GPAM: variants seen among roughly 807,000 people sequenced by gnomAD.
GPAM encodes the protein glycerol-3-phosphate acyltransferase 1, mitochondrial.
In GPAM, 56 loss-of-function variants were observed where a neutral mutation model predicts 105.0. That is an observed-to-expected ratio of 0.53 (90% CI 0.43 to 0.67). The LOEUF is 0.67. Among genes scored for constraint, GPAM ranks in the 30% least tolerant of loss-of-function variants. The probability of loss-of-function intolerance (pLI) is 0.00; values close to 1 mark genes in which losing one functional copy is unlikely to be tolerated. For synonymous variants in GPAM, 368 were observed against 354.4 expected (o/e 1.04, Z -0.43); for missense variants, 855 against 989.8 (o/e 0.86, Z 1.83).
Position 112,150,837 on chromosome 10 carries a change from C to T in GPAM, c.*2713G>A. The T allele has an allele frequency of 1.0e-6, 1 of 984,026 alleles. No individual in the cohort carries two copies. The highest frequency in any genetic ancestry group is 1.2e-6 in the Non-Finnish European group (1 of 828,668). The allele number at this position is 984,026 out of a possible 1,614,324, so 61.0% of individuals were successfully genotyped here. A position where few individuals can be genotyped will look rare whatever the true frequency, so the allele number is the denominator to read the frequency against. On this transcript the variant is annotated 3_prime_UTR_variant, in exon 22 of 22. Coordinates refer to ENST00000348367, the MANE Select transcript of GPAM (RefSeq NM_001244949.2). Reference sequence around the variant, plus strand: ...ATGGAGTGCTATGGGAAATGCTTTTCCCCATCCAGGTTACTGGCAATTCCA... The same window carrying T: ...ATGGAGTGCTATGGGAAATGCTTTTTCCCATCCAGGTTACTGGCAATTCCA...
intron 14 of GPAM, among the ~76,000 whole-genome samples, chr10:112,162,642 T>C (rs889499842): frequency 2.0e-5 from 3 of 152,090 alleles, no homozygotes; most frequent in South Asian, 4.1e-4. Flanking sequence ...AAAAAAGTAC[T>C]CAGTACTATA....
chr10:112,227,427 G>A, the GPAM span, among the ~76,000 whole-genome samples: 1 of 152,068 alleles, frequency 6.6e-6, no homozygotes, highest in Non-Finnish European at 1.5e-5. Context: ...CCTCTCCTGG[G>A]ACCTCCCCAT....
chr10:112,150,060 T>G lies in GPAM; in HGVS notation c.*3490A>C, dbSNP rs1846887715. Reference sequence around the variant, plus strand: ...TACAACAGGCAAATAGTTTAATACCTTCCATCAAGACATTTCAGAGCTCTA... The same window carrying G: ...TACAACAGGCAAATAGTTTAATACCGTCCATCAAGACATTTCAGAGCTCTA... On this transcript the variant is annotated 3_prime_UTR_variant, in exon 22 of 22. Coordinates refer to ENST00000348367, the MANE Select transcript of GPAM (RefSeq NM_001244949.2). 3.0e-6 allele frequency: 3 copies of G among 984,850 alleles called. No individual in the cohort carries two copies. In the African/African-American group the frequency reaches 5.2e-5, roughly 17 times the overall value. 61.0% of individuals were successfully genotyped at this position (984,850 alleles called of 1,614,324 possible).
In GPAM at chr10:112,160,886, C is replaced by T. The variant is rs764902377; in HGVS notation, c.1495-18G>A. 6 of 1,609,366 alleles carry T rather than the reference C, an allele frequency of 3.7e-6. No individual in the cohort carries two copies. The African/African-American group carries it at 4.0e-5, about 11-fold the overall frequency. ...TCAATTCCCTAAAGAAAGATGGAAA[C>T]GGTATCATGATGGTGGAAAACCTAC... is the stretch of plus-strand genomic sequence containing the variant. On this transcript the variant is annotated intron_variant, in intron 15 of 21. Coordinates refer to ENST00000348367, the MANE Select transcript of GPAM (RefSeq NM_001244949.2).
At chr10:112,175,540 CT>C (rs915184093) in intron 6 of GPAM, 59 bp downstream of exon 6, 2 of 853,162 alleles carry the variant, frequency 2.3e-6, no homozygotes, top group Non-Finnish European at 4.1e-6. Context: ...TTACTTCCCC[CT>C]CCCACTCCTA....
In GPAM at chr10:112,175,729, A is replaced by G; in HGVS notation, c.300-16T>C. 2 of 1,509,058 alleles carry G rather than the reference A, an allele frequency of 1.3e-6. No individual in the cohort carries two copies. Among genetic ancestry groups the G allele is most frequent in the Non-Finnish European group, 1.8e-6 (2 of 1,084,268 alleles). 93.5% of individuals were successfully genotyped at this position (1,509,058 alleles called of 1,614,324 possible). ...TCCGCGGTGTCTGTGAAAATGATTT[A>G]GCAGAGAAGTATTAGAGGTACCCCT... is the stretch of plus-strand genomic sequence containing the variant. On this transcript the variant is annotated splice_polypyrimidine_tract_variant and intron_variant, in intron 5 of 21. Coordinates refer to ENST00000348367, the MANE Select transcript of GPAM (RefSeq NM_001244949.2).
In GPAM at chr10:112,155,738, A is replaced by G. The variant is rs1395303827; in HGVS notation, c.2311+126T>C. ...TATATAACATGCCAAAGAAGATAAT[A>G]GTAATACTCTACGGTGTTAGAGGTC... On this transcript the variant is annotated intron_variant, in intron 20 of 21. Coordinates refer to ENST00000348367, the MANE Select transcript of GPAM (RefSeq NM_001244949.2). 6.3e-6 allele frequency: 4 copies of G among 638,296 alleles called. No individual in the cohort carries two copies. In the East Asian group the frequency reaches 1.1e-4, roughly 18 times the overall value. 39.5% of individuals were successfully genotyped at this position (638,296 alleles called of 1,614,324 possible). A position where few individuals can be genotyped will look rare whatever the true frequency, so the allele number is the denominator to read the frequency against.
At chr10:112,159,693 G>A (rs1278136185) in intron 17 of GPAM, among the ~76,000 whole-genome samples, 1 of 152,166 alleles carries the variant, frequency 6.6e-6, no homozygotes, top group Non-Finnish European at 1.5e-5. Flanking sequence ...GTCCTATCAT[G>A]GCTCATAGCT....
In GPAM at chr10:112,178,169, C is replaced by T. The variant is rs185287948; in HGVS notation, c.226-112G>A. On this transcript the variant is annotated intron_variant, in intron 4 of 21. Coordinates refer to ENST00000348367, the MANE Select transcript of GPAM (RefSeq NM_001244949.2). Reference sequence around the variant, plus strand: ...TATCAAGCATAAAAACAGATATTGCCTCAAAAATCTTAGGGAAGAAAAAAG... The same window carrying T: ...TATCAAGCATAAAAACAGATATTGCTTCAAAAATCTTAGGGAAGAAAAAAG... 6.1e-6 allele frequency: 4 copies of T among 657,872 alleles called. No individual in the cohort carries two copies. In the East Asian group the frequency reaches 1.1e-4, roughly 17 times the overall value. 40.8% of individuals were successfully genotyped at this position (657,872 alleles called of 1,614,324 possible). A position where few individuals can be genotyped will look rare whatever the true frequency, so the allele number is the denominator to read the frequency against.
intron 11 of GPAM, among the ~76,000 whole-genome samples, chr10:112,167,921 T>G (rs1378141698): frequency 1.3e-5 from 2 of 152,212 alleles, no homozygotes; most frequent in Non-Finnish European, 2.9e-5. Flanking sequence ...TTTGCCAACA[T>G]GACCCCACAA....
Position 112,150,456 on chromosome 10 carries a change from G to A in GPAM, c.*3094C>T. On this transcript the variant is annotated 3_prime_UTR_variant, in exon 22 of 22. Transcript: ENST00000348367. ...TAATTTTCTGTGCTTATTTTCTGCA[G>A]GGGAGGAAATACACATCTATTCAAC... is the stretch of plus-strand genomic sequence containing the variant. 1 of 985,276 alleles carries A rather than the reference G, an allele frequency of 1.0e-6. No homozygotes were observed. Among genetic ancestry groups the A allele is most frequent in the Non-Finnish European group, 1.2e-6 (1 of 829,416 alleles). The allele number at this position is 985,276 out of a possible 1,614,324, so 61.0% of individuals were successfully genotyped here.
chr10:112,194,392 AT>A, intron 1 of GPAM, among the ~76,000 whole-genome samples: 1 of 152,200 alleles, frequency 6.6e-6, no homozygotes, highest in Non-Finnish European at 1.5e-5. Flanking sequence ...ACTATATAAC[AT>A]TTTAAAAGGT....
intron 1 of GPAM, among the ~76,000 whole-genome samples, chr10:112,190,817 T>C (rs1184732248): frequency 6.6e-6 from 1 of 152,150 alleles, no homozygotes; most frequent in Admixed American, 6.5e-5. Flanking sequence ...ATGAATATTC[T>C]TCCTTCTTTT....
chr10:112,175,665 T>A lies in GPAM; in HGVS notation c.348A>T (p.Gln116His). The A allele has an allele frequency of 6.2e-7, 1 of 1,613,610 alleles. No homozygotes were observed. The highest frequency in any genetic ancestry group is 8.5e-7 in the Non-Finnish European group (1 of 1,179,542). ...ARRLSYVLFIQERDVHKGMFA... is the reference protein window; with the variant it reads ...ARRLSYVLFIHERDVHKGMFA... ...ACATGCCCTTATGCACATCTCGCTC[T>A]TGAATAAAAAGAACGTAAGAAAGGC... Residue 116 changes from glutamine (Q) to histidine (H), a missense_variant, in exon 6 of 22, where the codon CAA becomes CAT. Gln to His is a conservative substitution (Grantham distance 24, BLOSUM62 0). Coordinates refer to ENST00000348367, the MANE Select transcript of GPAM (RefSeq NM_001244949.2).
At position 112,150,616 on chromosome 10, in the gene GPAM, A is replaced by G. The variant is rs974192217; in HGVS notation, c.*2934T>C. 8.2e-5 allele frequency: 77 copies of G among 936,914 alleles called. No individual in the cohort carries two copies. The highest frequency in any genetic ancestry group is 9.4e-5 in the Non-Finnish European group (74 of 785,842). 58.0% of individuals were successfully genotyped at this position (936,914 alleles called of 1,614,324 possible). On this transcript the variant is annotated 3_prime_UTR_variant, in exon 22 of 22. Transcript: ENST00000348367. Reference sequence around the variant, plus strand: ...TCCACAGGACATTAGTGAGAGGTTCATAAGTATCCCAAAGGAGAAAAAGGT... The same window carrying G: ...TCCACAGGACATTAGTGAGAGGTTCGTAAGTATCCCAAAGGAGAAAAAGGT...
At chr10:112,219,637 C>T (rs556862210), upstream of GPAM, among the ~76,000 whole-genome samples, 1 of 152,338 alleles carries the variant, frequency 6.6e-6, no homozygotes, top group South Asian at 2.1e-4. Flanking sequence ...CTTTTGCAAG[C>T]TGTCACTTAT....
intron 19 of GPAM, chr10:112,156,566 C>T (rs113402943): frequency 2.8e-5 from 5 of 181,282 alleles, no homozygotes; most frequent in South Asian, 1.2e-4. Context: ...GCTTTATGGC[C>T]GAGAGGCTCT....
rs1846949065 is a variant in GPAM at position 112,153,092 on chromosome 10, G to A, written c.*458C>T. The A allele has an allele frequency of 9.0e-6, 9 of 1,004,462 alleles. No individual in the cohort carries two copies. The highest frequency in any genetic ancestry group is 1.1e-5 in the Non-Finnish European group (9 of 837,458). 62.2% of individuals were successfully genotyped at this position (1,004,462 alleles called of 1,614,324 possible). A position where few individuals can be genotyped will look rare whatever the true frequency, so the allele number is the denominator to read the frequency against. Reference sequence around the variant, plus strand: ...AGATAAAACTGAAAAAGAGTGAATGGATGACTCAATTATTTTTAAAGGAAG... The same window carrying A: ...AGATAAAACTGAAAAAGAGTGAATGAATGACTCAATTATTTTTAAAGGAAG... On this transcript the variant is annotated 3_prime_UTR_variant, in exon 22 of 22. Coordinates refer to ENST00000348367, the MANE Select transcript of GPAM (RefSeq NM_001244949.2).
At position 112,172,320 on chromosome 10, in the gene GPAM, T is replaced by C. The variant is rs761016590; in HGVS notation, c.658-2A>G. On this transcript the variant is annotated splice_acceptor_variant, in intron 8 of 21. Transcript: ENST00000348367. LOFTEE classifies it high-confidence loss of function. ...TAGAAACAGAAGCGGCAAATTCGTCTAGCAAAGGGAAAAATGCCAAATTTA... is the reference window on the plus strand; with the variant it reads ...TAGAAACAGAAGCGGCAAATTCGTCCAGCAAAGGGAAAAATGCCAAATTTA... 6.2e-6 allele frequency: 10 copies of C among 1,612,518 alleles called. No homozygotes were observed. The African/African-American group carries it at 1.3e-4, about 22-fold the overall frequency.
Sources: gnomAD v4.1 joint callset for allele counts (sites outside exome capture counted in the v4.1 genomes callset) on GRCh38, gnomAD v4.1.1 for gene constraint, MANE v1.5 for transcripts, NCBI Gene and HGNC (gene_info 2026-07-23, HGNC 2026-07-21) for gene names.